The following PRKG1 variants were observed in gnomAD, a reference collection of about 807,000 sequenced individuals.
PRKG1 encodes protein kinase cGMP-dependent 1, also known as cGMP-dependent protein kinase 1.
PRKG1 carries 35 observed loss-of-function variants against 88.1 expected under a neutral mutation model. The observed-to-expected ratio is 0.40, with a 90% CI of 0.30 to 0.53. PRKG1 has a LOEUF of 0.53. Ranked by LOEUF, PRKG1 falls within the 20% of genes least tolerant of loss-of-function variation. PRKG1 has a pLI of 0.59. For missense variants in PRKG1, 540 were observed against 839.8 expected (o/e 0.64, Z 4.41); for synonymous variants, 303 against 292.5 (o/e 1.04, Z -0.37).
At chr10:51,452,247 T>G (rs1255817023) in intron 2 of PRKG1, among the ~76,000 whole-genome samples, 1 of 151,982 alleles carries the variant, frequency 6.6e-6, no homozygotes, top group African/African-American at 2.4e-5. Context: ...GTCTACCATC[T>G]GTCTATACTG....
At position 51,272,184 on chromosome 10, in the gene PRKG1, T is replaced by C. The variant is rs559190028; in HGVS notation, c.478+118854T>C. ...TAATGACCAGTGATGATTAGCTTTT[T>C]TTCATATGTTTGTTGGCTGCATAAA... On this transcript the variant is annotated intron_variant, in intron 2 of 17. Transcript: ENST00000373980. 2.0e-4 allele frequency among the ~76,000 whole-genome samples: 30 copies of C among 152,356 alleles called. 1 individual carries two copies. In the South Asian group the frequency reaches 3.5e-3, roughly 18 times the overall value.
At chr10:51,268,202 C>T (rs890243542) in intron 2 of PRKG1, among the ~76,000 whole-genome samples, 8 of 151,898 alleles carry the variant, frequency 5.3e-5, no homozygotes, top group Admixed American at 2.6e-4. Flanking sequence ...GGAGGCAGGG[C>T]GAGATCACAG....
chr10:51,595,494 T>A (rs1838420997), intron 3 of PRKG1, among the ~76,000 whole-genome samples: 1 of 151,760 alleles, frequency 6.6e-6, no homozygotes, highest in Non-Finnish European at 1.5e-5. Context: ...GTTGAACATG[T>A]TGGTGCATGC....
intron 3 of PRKG1, among the ~76,000 whole-genome samples, chr10:51,680,293 A>AG (rs1181537216): frequency 6.6e-6 from 1 of 152,158 alleles, no homozygotes; most frequent in African/African-American, 2.4e-5. Flanking sequence ...ATAATAAAAA[A>AG]AAAAAAGAAT....
chr10:52,101,015 T>C (rs981907967), intron 7 of PRKG1, among the ~76,000 whole-genome samples: 1 of 152,238 alleles, frequency 6.6e-6, no homozygotes, highest in Non-Finnish European at 1.5e-5. Context: ...GGCAATTTGA[T>C]GGATATATGC....
At chr10:51,395,219 C>T (rs756676238) in intron 2 of PRKG1, among the ~76,000 whole-genome samples, 10 of 152,202 alleles carry the variant, frequency 6.6e-5, no homozygotes, top group Non-Finnish European at 1.0e-4. Context: ...CCACTCTTTG[C>T]AAGTCTCTGC....
intron 9 of PRKG1, among the ~76,000 whole-genome samples, chr10:52,221,208 TG>T (rs1394183013): frequency 6.6e-6 from 1 of 152,162 alleles, no homozygotes; most frequent in Non-Finnish European, 1.5e-5. Context: ...GTCATCTTGA[TG>T]GGCTAAGACA....
chr10:51,685,972 C>G (rs1294428485), intron 3 of PRKG1, among the ~76,000 whole-genome samples: 1 of 151,146 alleles, frequency 6.6e-6, no homozygotes, highest in African/African-American at 2.5e-5. Flanking sequence ...GTTTCACAAT[C>G]CTGCTTGGCT....
intron 1 of PRKG1, among the ~76,000 whole-genome samples, chr10:51,101,860 G>A (rs1433107754): frequency 6.6e-6 from 1 of 152,096 alleles, no homozygotes; most frequent in Admixed American, 6.6e-5. Flanking sequence ...CTGGGCCTGG[G>A]GTAAAATTGA....
chr10:51,402,414 C>A (rs868503944), intron 2 of PRKG1, among the ~76,000 whole-genome samples: 2 of 152,312 alleles, frequency 1.3e-5, no homozygotes, highest in African/African-American at 4.8e-5. Flanking sequence ...GAAAAAGGGT[C>A]ATTGCATTTA....
At chr10:51,948,436 A>C (rs560110500) in intron 5 of PRKG1, among the ~76,000 whole-genome samples, 2 of 152,264 alleles carry the variant, frequency 1.3e-5, no homozygotes, top group South Asian at 4.1e-4. Context: ...AAAGAATAGG[A>C]TAGAAAATAT....
At chr10:51,340,044 G>A (rs1184422624) in intron 2 of PRKG1, among the ~76,000 whole-genome samples, 1 of 152,072 alleles carries the variant, frequency 6.6e-6, no homozygotes, top group African/African-American at 2.4e-5. Flanking sequence ...TGGAATAAAA[G>A]CCTCTGCTAG....
Position 50,991,240 on chromosome 10 carries a change from T to C in PRKG1, c.-139T>C. The C allele has an allele frequency of 7.7e-7, 1 of 1,293,356 alleles. No homozygotes were observed. Among genetic ancestry groups the C allele is most frequent in the Non-Finnish European group, 1.0e-6 (1 of 974,874 alleles). The allele number at this position is 1,293,356 out of a possible 1,614,324, so 80.1% of individuals were successfully genotyped here. On this transcript the variant is annotated 5_prime_UTR_variant, in exon 1 of 18. Transcript: ENST00000401604. This position sits in a 1 kb window ranked among gnomAD's most constrained non-coding sequence, Gnocchi z 4.5. ...TCCCCGCGCCGCATTAGGGGCGCAC[T>C]CCGCCGCGCTCGAGTACTTAGCGCC...
intron 3 of PRKG1, chr10:51,698,479 T>C (rs1165299773): frequency 6.2e-7 from 1 of 1,613,598 alleles, no homozygotes. Context: ...CCTGATGGGG[T>C]GGACCCAGAT....
intron 2 of PRKG1, among the ~76,000 whole-genome samples, chr10:51,347,537 A>G (rs1168808029): frequency 6.6e-6 from 1 of 152,146 alleles, no homozygotes. Flanking sequence ...AAAACTGGTA[A>G]TGCCATTTTT....
At chr10:51,457,338 ATATGGTATGTTC>A (rs1839612083) in intron 2 of PRKG1, among the ~76,000 whole-genome samples, 1 of 152,204 alleles carries the variant, frequency 6.6e-6, no homozygotes, top group Non-Finnish European at 1.5e-5. Context: ...AGAAAATCAA[ATATGGTATGTTC>A]TCACTTATAA....
intron 2 of PRKG1, among the ~76,000 whole-genome samples, chr10:51,399,978 C>G (rs1837691908): frequency 2.0e-5 from 3 of 152,150 alleles, no homozygotes; most frequent in South Asian, 2.1e-4. Flanking sequence ...TTCATTCTCC[C>G]CATTTCTCAA....
At chr10:51,804,355 A>G (rs1436841937) in intron 3 of PRKG1, among the ~76,000 whole-genome samples, 1 of 152,156 alleles carries the variant, frequency 6.6e-6, no homozygotes, top group African/African-American at 2.4e-5. Context: ...GAATCTTCCT[A>G]GTAGATAATA....
At chr10:51,906,005 G>T (rs534479513) in intron 4 of PRKG1, among the ~76,000 whole-genome samples, 2 of 152,104 alleles carry the variant, frequency 1.3e-5, no homozygotes, top group Non-Finnish European at 2.9e-5. Context: ...CTTGTAGTAC[G>T]AGATTAAAGA....
Sources: allele counts gnomAD v4.1 joint callset (sites outside exome capture counted in the v4.1 genomes callset), GRCh38; gene constraint gnomAD v4.1.1; non-coding constraint Gnocchi (gnomAD v3.1); transcripts MANE v1.5; gene names NCBI Gene and HGNC (gene_info 2026-07-23, HGNC 2026-07-21).